Variants in MCF2L observed in about 807,000 individuals in gnomAD.
The protein encoded by MCF2L is guanine nucleotide exchange factor DBS.
A neutral mutation model predicts 153.4 loss-of-function variants in MCF2L; 97 were observed. The observed-to-expected ratio is 0.63, with a 90% confidence interval of 0.54 to 0.75. MCF2L has a LOEUF of 0.75. Ranked by LOEUF, MCF2L falls within the 30% of genes least tolerant of loss-of-function variation. The pLI, the probability that MCF2L is intolerant of heterozygous loss-of-function variation, is 0.00. For synonymous variants in MCF2L, 659 were observed against 632.2 expected (o/e 1.04, Z -0.64); for missense variants, 1,347 against 1,495.2 (o/e 0.90, Z 1.64).
intron 4 of MCF2L, among the ~76,000 whole-genome samples, chr13:113,049,704 C>T (rs2087081459): frequency 6.6e-6 from 1 of 151,930 alleles, no homozygotes; most frequent in Admixed American, 6.5e-5. Flanking sequence ...GTGCTGCGGG[C>T]GCCACAAAGC....
At position 113,031,182 on chromosome 13, in the gene MCF2L, A is replaced by G. The variant is rs994584510; in HGVS notation, c.278+6424A>G. On this transcript the variant is annotated intron_variant, in intron 3 of 29. Transcript: ENST00000535094. The surrounding 1 kb of genome is among the most constrained non-coding windows in gnomAD (Gnocchi z 5.5). Reference sequence around the variant, plus strand: ...AGAGAAGAGACAGAGAGTGACAGACAGAGACAGAGAGACAGAGACAGACAG... The same window carrying G: ...AGAGAAGAGACAGAGAGTGACAGACGGAGACAGAGAGACAGAGACAGACAG... Among the ~76,000 whole-genome samples the G allele has an allele frequency of 6.7e-5, 10 of 149,728 alleles. No individual in the cohort carries two copies. The highest frequency in any genetic ancestry group is 1.5e-4 in the Non-Finnish European group (10 of 67,764).
At chr13:112,953,392 G>A (rs2140719678) in intron 2 of MCF2L, among the ~76,000 whole-genome samples, 1 of 152,280 alleles carries the variant, frequency 6.6e-6, no homozygotes, top group East Asian at 1.9e-4. Context: ...CTGCGGGGAG[G>A]GGCTCCTCGG....
intron 1 of MCF2L, chr13:112,985,403 C>G (rs1460167619): frequency 2.1e-6 from 1 of 471,100 alleles, no homozygotes. Context: ...GAAAGGCTGT[C>G]CGGATTTCCG....
rs867568171 is a variant in MCF2L, at chr13:113,090,707, G to T, written c.2953+979G>T. The T allele has an allele frequency of 6.3e-5, 62 of 985,482 alleles. 1 individual carries two copies. In the Middle Eastern group the frequency reaches 4.7e-3, roughly 75 times the overall value. 61.0% of individuals were successfully genotyped at this position (985,482 alleles called of 1,614,324 possible). ...CCCTGGCGTGCAGGCGGCTCTTCTG[G>T]GAAGCCCTGAAGGCCAGCGTGGACA... is the stretch of plus-strand genomic sequence containing the variant. On this transcript the variant is annotated intron_variant, in intron 26 of 29. Coordinates refer to ENST00000535094, the MANE Select transcript of MCF2L (RefSeq NM_001112732.3).
At position 112,941,651 on chromosome 13, in the gene MCF2L, C is replaced by T. The variant is rs2081576490; in HGVS notation, c.169+39280C>T. Among the ~76,000 whole-genome samples the T allele has an allele frequency of 6.6e-6, 1 of 151,992 alleles. No homozygotes were observed. Among genetic ancestry groups the T allele is most frequent in the Admixed American group, 6.6e-5 (1 of 15,256 alleles). On this transcript the variant is annotated intron_variant, in intron 2 of 29. Transcript: ENST00000375608. This position sits in a 1 kb window ranked among gnomAD's most constrained non-coding sequence, Gnocchi z 4.9. ...GGTCCACTGTGGGCGGCAAGCCACC[C>T]AGGTGCCGAGGCAAGAGACCAAGGG...
intron 3 of MCF2L, among the ~76,000 whole-genome samples, chr13:113,033,395 ATGTGAGTGGACCC>A (rs1566773547): frequency 5.2e-5 from 4 of 76,506 alleles, no homozygotes; most frequent in Non-Finnish European, 7.5e-5. Flanking sequence ...GGCCCCCGTG[ATGTGAGTGGACCC>A]CGTGGCGTGA....
intron 5 of MCF2L, among the ~76,000 whole-genome samples, chr13:113,063,248 G>A (rs1030248074): frequency 1.3e-5 from 2 of 152,160 alleles, no homozygotes; most frequent in Admixed American, 6.5e-5. Context: ...CCACATCTGG[G>A]TCCACACAGG....
chr13:113,003,318 T>G (rs1406212955), intron 1 of MCF2L, among the ~76,000 whole-genome samples: 2 of 150,900 alleles, frequency 1.3e-5, no homozygotes, highest in African/African-American at 4.9e-5. Flanking sequence ...GGTGGCCCCC[T>G]GGGTTATGGG....
At chr13:112,925,349 A>G (rs1432204732) in intron 2 of MCF2L, among the ~76,000 whole-genome samples, 2 of 152,212 alleles carry the variant, frequency 1.3e-5, no homozygotes, top group Non-Finnish European at 2.9e-5. Context: ...AAAGCTAAGC[A>G]TGTGCCTGCC....
At chr13:112,985,555 A>G (rs3011543) in intron 1 of MCF2L, 420,154 of 445,724 alleles carry the variant, frequency 0.94, 198,736 homozygotes, top group Non-Finnish European at 0.98. Context: ...TGGGTGAGGC[A>G]GCATGGAGGT....
At position 113,061,597 on chromosome 13, in the gene MCF2L, G is replaced by T. The variant is rs377495726; in HGVS notation, c.489+885G>T. The stretch of plus-strand genomic sequence containing the variant: ...CCAGCCCTCCCTCCCCACCCTCGTT[G>T]CGCTACAGCCTCAATGCCAAAGGTG... On this transcript the variant is annotated intron_variant, in intron 5 of 29. Coordinates refer to ENST00000535094, the MANE Select transcript of MCF2L (RefSeq NM_001112732.3). 1.0e-4 allele frequency among the ~76,000 whole-genome samples: 15 copies of T among 145,716 alleles called. No homozygotes were observed. In the East Asian group the frequency reaches 3.1e-3, roughly 30 times the overall value.
chr13:112,953,467 G>A (rs926308432), intron 2 of MCF2L, among the ~76,000 whole-genome samples: 3 of 152,214 alleles, frequency 2.0e-5, no homozygotes, highest in Non-Finnish European at 2.9e-5. Flanking sequence ...CAAGCTAACC[G>A]GTATGCACGG....
At chr13:113,091,413 T>A (rs2035197788) in intron 26 of MCF2L, among the ~76,000 whole-genome samples, 1 of 152,212 alleles carries the variant, frequency 6.6e-6, no homozygotes, top group South Asian at 2.1e-4. Context: ...CAGGTCTATC[T>A]GGAGCCTGCG....
intron 12 of MCF2L, 38 bp downstream of exon 12, chr13:113,076,195 T>A (rs1314251370): frequency 6.6e-7 from 1 of 1,507,012 alleles, no homozygotes. Flanking sequence ...CAGCTTGCTG[T>A]CCCGAGCAGT....
chr13:113,073,928 T>A (rs1356406105), intron 9 of MCF2L, among the ~76,000 whole-genome samples: 2 of 148,764 alleles, frequency 1.3e-5, no homozygotes, highest in African/African-American at 2.5e-5. Flanking sequence ...AAAAAAAAAA[T>A]TAAAAATTAA....
At chr13:112,998,117 T>C (rs1341143460) in intron 1 of MCF2L, among the ~76,000 whole-genome samples, 2 of 152,222 alleles carry the variant, frequency 1.3e-5, no homozygotes, top group Non-Finnish European at 2.9e-5. Flanking sequence ...CATCCTGTGT[T>C]CCGAACCCCG....
At chr13:112,942,612 G>T (rs771940590) in intron 2 of MCF2L, among the ~76,000 whole-genome samples, 22 of 152,078 alleles carry the variant, frequency 1.4e-4, no homozygotes, top group Admixed American at 1.0e-3. Context: ...GGACCCTACA[G>T]TCCACCTGTC....
rs936486632 is a variant in MCF2L at position 112,960,553 on chromosome 13, AG to A, written c.170-54204del. On this transcript the variant is annotated intron_variant, in intron 2 of 29. Coordinates refer to the MCF2L transcript ENST00000375608. The surrounding 1 kb of genome is among the most constrained non-coding windows in gnomAD (Gnocchi z 4.2). ...GCGGGATAGGCTGTCATTCTGGGGA[AG>A]GGGGGCTTTGGGGTTTCGGTGTCCA... Among the ~76,000 whole-genome samples the A allele has an allele frequency of 6.6e-6, 1 of 151,970 alleles. No individual in the cohort carries two copies. The highest frequency in any genetic ancestry group is 2.4e-5 in the African/African-American group (1 of 41,342).
At chr13:113,001,650 C>T (rs570723075) in intron 1 of MCF2L, 3 of 1,301,174 alleles carry the variant, frequency 2.3e-6, no homozygotes, top group Non-Finnish European at 2.9e-6. Context: ...GCTCAGCTGT[C>T]GCCAGGATCG....
Sources: gnomAD v4.1 joint callset for allele counts (sites outside exome capture counted in the v4.1 genomes callset) on GRCh38, gnomAD v4.1.1 for gene constraint, Gnocchi (gnomAD v3.1) non-coding constraint, MANE v1.5 for transcripts, NCBI Gene and HGNC (gene_info 2026-07-23, HGNC 2026-07-21) for gene names.